ABR: variants seen among roughly 807,000 people sequenced by gnomAD.
ABR encodes the protein active breakpoint cluster region-related protein.
In ABR, 35 loss-of-function variants were observed where a neutral mutation model predicts 107.2. That is an observed-to-expected ratio of 0.33 (90% CI 0.25 to 0.43). The LOEUF is 0.43. Ranked by LOEUF, ABR falls within the 20% of genes least tolerant of loss-of-function variation. The pLI, the probability that ABR is intolerant of heterozygous loss-of-function variation, is 1.00. For synonymous variants in ABR, 498 were observed against 462.0 expected (o/e 1.08, Z -1.00); for missense variants, 815 against 1,115.2 (o/e 0.73, Z 3.83).
chr17:1,208,258 A>G (rs2042834265), intron 1 of ABR, among the ~76,000 whole-genome samples: 1 of 152,126 alleles, frequency 6.6e-6, no homozygotes, highest in Non-Finnish European at 1.5e-5. Context: ...TTCCTGGGCA[A>G]CTGACACACA....
chr17:1,069,737 C>G (rs539623063), intron 9 of ABR, among the ~76,000 whole-genome samples: 21 of 151,628 alleles, frequency 1.4e-4, no homozygotes, highest in Admixed American at 1.1e-3. Context: ...CTCCCTCCCC[C>G]GCCCTGTGCC....
intron 10 of ABR, among the ~76,000 whole-genome samples, chr17:1,065,774 C>G (rs2034664448): frequency 7.5e-6 from 1 of 133,014 alleles, no homozygotes; most frequent in South Asian, 2.5e-4. Context: ...TTGAGACAGT[C>G]TCACTCTGTT....
chr17:1,220,441 T>C (rs1055342741), intron 1 of ABR, among the ~76,000 whole-genome samples: 1 of 152,192 alleles, frequency 6.6e-6, no homozygotes, highest in Non-Finnish European at 1.5e-5. Flanking sequence ...GCGGAAAGAC[T>C]TGCAGATTTA....
intron 2 of ABR, among the ~76,000 whole-genome samples, chr17:1,121,808 C>A (rs1470421673): frequency 1.3e-5 from 2 of 152,190 alleles, no homozygotes; most frequent in Non-Finnish European, 2.9e-5. Flanking sequence ...CTCCTCCCCA[C>A]TACCTTTCAG....
chr17:1,208,705 G>A (rs541860368), intron 1 of ABR, among the ~76,000 whole-genome samples: 35 of 152,174 alleles, frequency 2.3e-4, no homozygotes, highest in African/African-American at 1.9e-4. Context: ...TGGCTAACAC[G>A]GTGAAACCCC....
intron 16 of ABR, among the ~76,000 whole-genome samples, chr17:1,033,842 C>T (rs1215604974): frequency 6.6e-6 from 1 of 152,154 alleles, no homozygotes; most frequent in African/African-American, 2.4e-5. Flanking sequence ...TTCTCCACCC[C>T]TCCTTCGCCT....
At chr17:1,149,760 G>A (rs114675424) in intron 1 of ABR, among the ~76,000 whole-genome samples, 4,368 of 152,140 alleles carry the variant, frequency 0.029, 183 homozygotes, top group East Asian at 0.11. Flanking sequence ...GGCACAAGAC[G>A]AGCTCAGCTC....
At chr17:1,107,685 G>A (rs187106074) in intron 2 of ABR, among the ~76,000 whole-genome samples, 64 of 152,316 alleles carry the variant, frequency 4.2e-4, no homozygotes, top group Non-Finnish European at 3.5e-4. Flanking sequence ...TAGTGGGGAG[G>A]CTGGTCAGAC....
intron 2 of ABR, chr17:1,109,200 C>T (rs1393889645): frequency 4.1e-5 from 51 of 1,248,832 alleles, no homozygotes; most frequent in Non-Finnish European, 5.3e-5. Flanking sequence ...GGCTCCCGAC[C>T]CGGGACTGCA....
rs114143911 is a variant in ABR, at chr17:1,073,255, G to A, written c.753+370C>T. Among the ~76,000 whole-genome samples, 838 of 151,072 alleles carry A rather than the reference G, an allele frequency of 5.5e-3. 9 individuals carry two copies. Among genetic ancestry groups the A allele is most frequent in the African/African-American group, 0.02 (813 of 41,130 alleles). The stretch of plus-strand genomic sequence containing the variant: ...GCCCTGGCTGCCCCCTCTTCTCCTG[G>A]CCACAGTCATACTCTCTCCCCAGTG... On this transcript the variant is annotated intron_variant, in intron 7 of 22. Transcript: ENST00000302538.
At chr17:1,206,745 C>T (rs989768149) in intron 1 of ABR, among the ~76,000 whole-genome samples, 30 of 151,920 alleles carry the variant, frequency 2.0e-4, no homozygotes, top group African/African-American at 6.1e-4. Context: ...CACCATGTCT[C>T]CAAAAATATT....
intron 2 of ABR, among the ~76,000 whole-genome samples, chr17:1,113,277 GAT>G (rs2038806343): frequency 1.1e-5 from 1 of 88,172 alleles, no homozygotes; most frequent in African/African-American, 5.1e-5. Context: ...CACCTATTGC[GAT>G]TTTTTTTTTT....
chr17:1,086,885 G>A (rs1156399836), intron 4 of ABR, among the ~76,000 whole-genome samples: 2 of 151,908 alleles, frequency 1.3e-5, no homozygotes, highest in African/African-American at 4.8e-5. Context: ...GAGGTGGGAG[G>A]ATCACTTGAG....
At chr17:1,214,729 A>C (rs1397110955) in intron 1 of ABR, among the ~76,000 whole-genome samples, 1 of 152,116 alleles carries the variant, frequency 6.6e-6, no homozygotes, top group Non-Finnish European at 1.5e-5. Context: ...TGAACCTGGG[A>C]GGCGGATGTT....
rs62088680 is a variant in ABR, at chr17:1,206,923, T to A, written c.838+21870A>T. Among the ~76,000 whole-genome samples, 685 of 151,720 alleles carry A rather than the reference T, an allele frequency of 4.5e-3. 2 individuals are homozygous for A. Among genetic ancestry groups the A allele is most frequent in the Non-Finnish European group, 7.6e-3 (513 of 67,856 alleles). On this transcript the variant is annotated intron_variant, in intron 1 of 22. Coordinates refer to the ABR transcript ENST00000574139. ...AACATGGTAAAACCCCGTCTCTACTTAAAATACAAAATTTAGCTGGGCGTG... is the reference window on the plus strand; with the variant it reads ...AACATGGTAAAACCCCGTCTCTACTAAAAATACAAAATTTAGCTGGGCGTG...
At chr17:1,125,533 C>G in intron 1 of ABR, 166 bp from the exon 2 acceptor site, 1 of 529,890 alleles carries the variant, frequency 1.9e-6, no homozygotes, top group Non-Finnish European at 3.0e-6. Flanking sequence ...TGGTGAGGGG[C>G]GGGGGAGAGC....
chr17:1,079,779 A>C (rs2036066360), intron 5 of ABR, among the ~76,000 whole-genome samples: 1 of 116,572 alleles, frequency 8.6e-6, no homozygotes, highest in African/African-American at 3.2e-5. Context: ...ACAGGGCGAG[A>C]CTCTGTCTCA....
intron 1 of ABR, among the ~76,000 whole-genome samples, chr17:1,213,956 C>T (rs1399602544): frequency 2.6e-5 from 4 of 151,962 alleles, no homozygotes; most frequent in East Asian, 1.9e-4. Context: ...GGCACAATCT[C>T]GGCTCACTGC....
intron 4 of ABR, among the ~76,000 whole-genome samples, chr17:1,087,600 G>A (rs1036901236): frequency 7.2e-5 from 11 of 152,030 alleles, no homozygotes; most frequent in African/African-American, 2.7e-4. Context: ...GGGCGGGGCC[G>A]GACGGGAGGG....
Sources: allele counts gnomAD v4.1 joint callset (sites outside exome capture counted in the v4.1 genomes callset), GRCh38; gene constraint gnomAD v4.1.1; transcripts MANE v1.5; gene names NCBI Gene and HGNC (gene_info 2026-07-23, HGNC 2026-07-21).